The following ESR1 variants were observed in gnomAD, a reference collection of about 807,000 sequenced individuals.
ESR1 encodes estrogen receptor.
Under a neutral mutation model 52.7 loss-of-function variants are expected in ESR1, and 12 were observed. The observed-to-expected ratio is 0.23, with a 90% CI of 0.15 to 0.37. ESR1 has a LOEUF of 0.37. Ranked by LOEUF, ESR1 falls within the 10% of genes least tolerant of loss-of-function variation. ESR1 has a pLI of 1.00. For missense variants in ESR1, 584 were observed against 779.7 expected, an observed-to-expected ratio of 0.75 and a Z score of 2.99; for synonymous variants, 305 against 316.8, an observed-to-expected ratio of 0.96 and a Z score of 0.39.
intron 2 of ESR1, among the ~76,000 whole-genome samples, chr6:151,716,528 C>T (rs1781049841): frequency 6.6e-6 from 1 of 152,196 alleles, no homozygotes; most frequent in Non-Finnish European, 1.5e-5. Context: ...TGATGCCCTT[C>T]CCAGAGAGCA....
intron 4 of ESR1, among the ~76,000 whole-genome samples, chr6:152,005,091 T>C (rs1280087459): frequency 6.6e-6 from 1 of 151,974 alleles, no homozygotes; most frequent in Non-Finnish European, 1.5e-5. Flanking sequence ...CCAAGGCAAA[T>C]AGACAGCAGC....
At chr6:151,778,105 T>G (rs964346897) in intron 2 of ESR1, among the ~76,000 whole-genome samples, 8 of 152,248 alleles carry the variant, frequency 5.3e-5, no homozygotes, top group Non-Finnish European at 5.9e-5. Flanking sequence ...TCCACTTTCT[T>G]CGGAAAATCA....
intron 3 of ESR1, among the ~76,000 whole-genome samples, chr6:151,915,582 T>G (rs2029898293): frequency 6.6e-6 from 1 of 152,180 alleles, no homozygotes; most frequent in African/African-American, 2.4e-5. Flanking sequence ...TTAATTATCT[T>G]TACAAAGTAC....
At chr6:152,027,044 G>A (rs1439146763) in intron 5 of ESR1, among the ~76,000 whole-genome samples, 1 of 151,210 alleles carries the variant, frequency 6.6e-6, no homozygotes, top group Non-Finnish European at 1.5e-5. Context: ...TCGGCTCACT[G>A]CAACTTCTGC....
At chr6:152,029,272 C>G (rs1032010097) in intron 5 of ESR1, among the ~76,000 whole-genome samples, 4 of 152,096 alleles carry the variant, frequency 2.6e-5, no homozygotes, top group African/African-American at 9.7e-5. Context: ...TCACCAGCAA[C>G]GGAACAAAGC....
chr6:152,030,601 A>G (rs1410446031), intron 5 of ESR1, among the ~76,000 whole-genome samples: 1 of 152,224 alleles, frequency 6.6e-6, no homozygotes, highest in East Asian at 1.9e-4. Flanking sequence ...TCCTAAATAT[A>G]TATGCACCCA....
intron 4 of ESR1, among the ~76,000 whole-genome samples, chr6:151,975,440 C>A (rs1304908631): frequency 6.6e-6 from 1 of 151,866 alleles, no homozygotes; most frequent in South Asian, 2.1e-4. Flanking sequence ...CCAGTAGGAT[C>A]AATTGATTGG....
intron 1 of ESR1, among the ~76,000 whole-genome samples, chr6:151,664,590 T>C (rs1239503278): frequency 6.6e-6 from 1 of 152,134 alleles, no homozygotes; most frequent in Admixed American, 6.5e-5. Flanking sequence ...AGGTCAACGA[T>C]TGAACACCCA....
At chr6:151,674,772 G>T (rs1778196281) in intron 1 of ESR1, among the ~76,000 whole-genome samples, 1 of 152,178 alleles carries the variant, frequency 6.6e-6, no homozygotes, top group Admixed American at 6.5e-5. Context: ...CAAGGAAATT[G>T]CATCATTTTC....
intron 4 of ESR1, among the ~76,000 whole-genome samples, chr6:152,001,686 G>T (rs1224420907): frequency 6.6e-6 from 1 of 151,926 alleles, no homozygotes; most frequent in African/African-American, 2.4e-5. Flanking sequence ...TCTCCTTTTG[G>T]CCTCTCTCTA....
At position 152,053,506 on chromosome 6, in the gene ESR1, TTC is replaced by T. The variant is rs2046852457; in HGVS notation, c.1236-7481_1236-7480del. On this transcript the variant is annotated intron_variant, in intron 5 of 7. Transcript: ENST00000206249. This position sits in a 1 kb window ranked among gnomAD's most constrained non-coding sequence, Gnocchi z 4.1. Reference sequence around the variant, plus strand: ...TTTCTCTTCCTCAGTCTCTCTCCCATTCTCTTTCTCTTTCTCTCAATCTCTCT... The same window carrying T: ...TTTCTCTTCCTCAGTCTCTCTCCCATTCTTTCTCTTTCTCTCAATCTCTCT... 6.6e-6 allele frequency among the ~76,000 whole-genome samples: 1 copy of T among 151,594 alleles called. No individual in the cohort carries two copies. Among genetic ancestry groups the T allele is most frequent in the Admixed American group, 6.6e-5 (1 of 15,216 alleles).
chr6:151,809,307 G>T, intron 1 of ESR1: 1 of 335,572 alleles, frequency 3.0e-6, no homozygotes, highest in Non-Finnish European at 6.5e-6. Flanking sequence ...TTCCCTACAA[G>T]AATTGTTCTT....
rs11296052 is a variant in ESR1, at chr6:151,831,146, C to CT, written c.453-11437dup. 3.4e-3 allele frequency among the ~76,000 whole-genome samples: 485 copies of CT among 141,772 alleles called. 2 individuals carry two copies. Among genetic ancestry groups the CT allele is most frequent in the Non-Finnish European group, 5.2e-3 (339 of 65,020 alleles). 93.0% of individuals were successfully genotyped at this position (141,772 alleles called of 152,430 possible). A position where few individuals can be genotyped will look rare whatever the true frequency, so the allele number is the denominator to read the frequency against. ...AATTGTAGACAATTTCTTTTCTTTT[C>CT]TTTTTTTTTTTTTTGAGACAGGTTC... On this transcript the variant is annotated intron_variant, in intron 1 of 7. Coordinates refer to ENST00000206249, the MANE Select transcript of ESR1 (RefSeq NM_000125.4).
chr6:151,989,607 G>A (rs1255074995), intron 4 of ESR1, among the ~76,000 whole-genome samples: 1 of 152,096 alleles, frequency 6.6e-6, no homozygotes, highest in Admixed American at 6.5e-5. Context: ...AATATATGTA[G>A]ACTGGCTTAG....
At chr6:151,938,735 A>G (rs1409479263) in intron 3 of ESR1, among the ~76,000 whole-genome samples, 1 of 152,182 alleles carries the variant, frequency 6.6e-6, no homozygotes, top group Non-Finnish European at 1.5e-5. Flanking sequence ...AGAATCATTC[A>G]AATCCACATT....
At chr6:152,024,174 C>T (rs2043928961) in intron 5 of ESR1, among the ~76,000 whole-genome samples, 1 of 152,140 alleles carries the variant, frequency 6.6e-6, no homozygotes, top group Non-Finnish European at 1.5e-5. Flanking sequence ...CCCTTAATTA[C>T]ACAGTAAATT....
At chr6:151,810,488 A>C (rs754976967) in intron 1 of ESR1, among the ~76,000 whole-genome samples, 18 of 152,340 alleles carry the variant, frequency 1.2e-4, no homozygotes, top group Non-Finnish European at 1.9e-4. Flanking sequence ...TTTCTGCTTA[A>C]ATGACTCTGG....
At chr6:151,875,809 A>C (rs904119902) in intron 2 of ESR1, among the ~76,000 whole-genome samples, 3 of 152,138 alleles carry the variant, frequency 2.0e-5, no homozygotes, top group South Asian at 2.1e-4. Context: ...CTTGGATGGG[A>C]GTTAGAGCGG....
intron 2 of ESR1, among the ~76,000 whole-genome samples, chr6:151,710,220 T>G (rs1780492561): frequency 6.6e-6 from 1 of 151,998 alleles, no homozygotes; most frequent in Non-Finnish European, 1.5e-5. Context: ...TTTGGCAAGT[T>G]TGATGCTCCC....
Sources: allele counts gnomAD v4.1 joint callset (sites outside exome capture counted in the v4.1 genomes callset), GRCh38; gene constraint gnomAD v4.1.1; non-coding constraint Gnocchi (gnomAD v3.1); transcripts MANE v1.5; gene names NCBI Gene and HGNC (gene_info 2026-07-23, HGNC 2026-07-21).